The following PDE1C variants were observed in gnomAD, a reference collection of about 807,000 sequenced individuals.
PDE1C encodes phosphodiesterase 1C, also known as dual specificity calcium/calmodulin-dependent 3',5'-cyclic nucleotide phosphodiesterase 1C.
A neutral mutation model predicts 93.1 loss-of-function variants in PDE1C; 62 were observed. That is an observed-to-expected ratio of 0.67 (90% CI 0.54 to 0.82). The LOEUF (loss-of-function observed/expected upper bound fraction) is 0.82. Ranked by LOEUF, PDE1C falls within the 40% of genes least tolerant of loss-of-function variation. The probability of loss-of-function intolerance (pLI) is 0.00; values close to 1 mark genes in which losing one functional copy is unlikely to be tolerated. For missense variants in PDE1C, 742 were observed against 884.6 expected, an observed-to-expected ratio of 0.84 and a Z score of 2.04; for synonymous variants, 325 against 310.1, an observed-to-expected ratio of 1.05 and a Z score of -0.50.
the PDE1C span, among the ~76,000 whole-genome samples, chr7:31,715,840 A>T: frequency 6.6e-6 from 1 of 152,186 alleles, no homozygotes; most frequent in Admixed American, 6.5e-5. Context: ...CAGTACCTAA[A>T]TCATCCCTAC....
At chr7:31,893,364 C>T (rs73690325) in intron 2 of PDE1C, 9,705 of 356,532 alleles carry the variant, frequency 0.027, 508 homozygotes, top group African/African-American at 0.15. Context: ...AATTCATTGT[C>T]GTTTGTGGTC....
the PDE1C span, among the ~76,000 whole-genome samples, chr7:31,689,244 A>C: frequency 6.6e-6 from 1 of 152,234 alleles, no homozygotes; most frequent in Admixed American, 6.5e-5. Flanking sequence ...AGAGGATGTT[A>C]AAAAGGTCAC....
At chr7:31,879,252 C>T in intron 3 of PDE1C, 74 bp from the exon 4 acceptor site, 2 of 1,404,700 alleles carry the variant, frequency 1.4e-6, no homozygotes, top group Non-Finnish European at 1.9e-6. Context: ...AGCAGCTGCT[C>T]CTCTCTGCCT....
chr7:31,770,914 C>T lies in PDE1C; in HGVS notation c.1960+4750G>A, dbSNP rs78497441. 3.6e-3 allele frequency among the ~76,000 whole-genome samples: 544 copies of T among 152,258 alleles called. 4 individuals carry two copies. The highest frequency in any genetic ancestry group is 0.013 in the African/African-American group (521 of 41,548). On this transcript the variant is annotated intron_variant, in intron 17 of 17. Transcript: ENST00000396191. ...ATCCTCCAACATTAATTAACTTTTC[C>T]ACTGTGTTCTACCTTGAACTTATAC...
intron 3 of PDE1C, among the ~76,000 whole-genome samples, chr7:32,096,904 C>A (rs1797785022): frequency 6.6e-6 from 1 of 152,068 alleles, no homozygotes; most frequent in Admixed American, 6.5e-5. Context: ...TTTATTATAA[C>A]AAATTGGTTC....
intron 1 of PDE1C, among the ~76,000 whole-genome samples, chr7:32,245,340 T>C (rs1199520989): frequency 1.3e-5 from 2 of 152,214 alleles, no homozygotes; most frequent in Non-Finnish European, 2.9e-5. Flanking sequence ...AATCCTGAGA[T>C]ATCTTGCATC....
intron 1 of PDE1C, among the ~76,000 whole-genome samples, chr7:32,282,782 G>A (rs1410250735): frequency 6.6e-6 from 1 of 151,844 alleles, no homozygotes; most frequent in Middle Eastern, 3.2e-3. Flanking sequence ...GGGTTTCACC[G>A]TATTAGCCAG....
At chr7:32,088,696 C>T (rs1416952132) in intron 3 of PDE1C, among the ~76,000 whole-genome samples, 1 of 152,192 alleles carries the variant, frequency 6.6e-6, no homozygotes, top group Non-Finnish European at 1.5e-5. Context: ...GTTCTGACCT[C>T]ACTCCAGTGA....
chr7:31,839,621 T>C (rs1331922071), intron 9 of PDE1C, among the ~76,000 whole-genome samples: 6 of 152,220 alleles, frequency 3.9e-5, no homozygotes, highest in African/African-American at 4.8e-5. Flanking sequence ...TTTGGAACTA[T>C]TGTGAATAAA....
chr7:32,143,944 A>T (rs1800676292), intron 3 of PDE1C, among the ~76,000 whole-genome samples: 1 of 152,178 alleles, frequency 6.6e-6, no homozygotes, highest in South Asian at 2.1e-4. Context: ...CATTCTGCCC[A>T]GGTAGGGTGG....
chr7:31,627,230 T>C, the PDE1C span, among the ~76,000 whole-genome samples: 1 of 152,200 alleles, frequency 6.6e-6, no homozygotes, highest in Non-Finnish European at 1.5e-5. Flanking sequence ...TAAATGATTG[T>C]TACATGAATA....
At chr7:32,225,123 AG>A (rs1295005058) in intron 1 of PDE1C, among the ~76,000 whole-genome samples, 1 of 152,190 alleles carries the variant, frequency 6.6e-6, no homozygotes, top group African/African-American at 2.4e-5. Flanking sequence ...TTTTCAAAGA[AG>A]GCAGTTTCTC....
At chr7:31,836,857 G>C (rs934779820) in intron 11 of PDE1C, among the ~76,000 whole-genome samples, 12 of 151,978 alleles carry the variant, frequency 7.9e-5, no homozygotes, top group African/African-American at 2.9e-4. Context: ...TGATGCCAAA[G>C]TAACTGTCAT....
chr7:31,685,230 G>A, the PDE1C span, among the ~76,000 whole-genome samples: 1 of 152,146 alleles, frequency 6.6e-6, no homozygotes, highest in African/African-American at 2.4e-5. Context: ...CATGGTTGCC[G>A]AGTTTAAAAA....
rs1012145936 is a variant in PDE1C at position 31,751,780 on chromosome 7, A to T, written c.*1604T>A. The T allele has an allele frequency of 2.0e-5, 3 of 152,224 alleles. No homozygotes were observed. The highest frequency in any genetic ancestry group is 4.4e-5 in the Non-Finnish European group (3 of 68,042). The allele number at this position is 152,224 out of a possible 1,614,324, so 9.4% of individuals were successfully genotyped here. ...TAAATAAACTGCCCAATAGCATGGT[A>T]GGCACTAAATTCCGGAACTTGCTCA... is the stretch of plus-strand genomic sequence containing the variant. On this transcript the variant is annotated 3_prime_UTR_variant, in exon 18 of 18. Coordinates refer to ENST00000396191, the MANE Select transcript of PDE1C (RefSeq NM_001191057.4).
intron 1 of PDE1C, among the ~76,000 whole-genome samples, chr7:32,244,776 A>G (rs1408413648): frequency 6.6e-6 from 1 of 152,066 alleles, no homozygotes; most frequent in East Asian, 1.9e-4. Flanking sequence ...GACTTTTCTC[A>G]TACAACTATG....
In PDE1C at chr7:31,753,231, A is replaced by T. The variant is rs573870935; in HGVS notation, c.*153T>A. On this transcript the variant is annotated 3_prime_UTR_variant, in exon 18 of 18. Transcript: ENST00000396191. Reference sequence around the variant, plus strand: ...CAAGAACAACAAAGAGGAAAATCACATACAACTTTCATTTCACCTTGGTGG... The same window carrying T: ...CAAGAACAACAAAGAGGAAAATCACTTACAACTTTCATTTCACCTTGGTGG... 3.2e-6 allele frequency: 3 copies of T among 938,850 alleles called. No individual in the cohort carries two copies. The African/African-American group carries it at 4.9e-5, about 15-fold the overall frequency. 58.2% of individuals were successfully genotyped at this position (938,850 alleles called of 1,614,324 possible).
At chr7:31,985,515 T>C (rs554626084) in intron 2 of PDE1C, among the ~76,000 whole-genome samples, 1 of 152,344 alleles carries the variant, frequency 6.6e-6, no homozygotes, top group South Asian at 2.1e-4. Context: ...GTTGGTTTCC[T>C]GCACCCATCA....
intron 2 of PDE1C, among the ~76,000 whole-genome samples, chr7:31,915,911 G>T (rs73308629): frequency 0.03 from 4,605 of 152,246 alleles, 218 homozygotes; most frequent in African/African-American, 0.11. Context: ...GAACAGTTGT[G>T]CAGAAGTATA....
Sources: allele counts gnomAD v4.1 joint callset (sites outside exome capture counted in the v4.1 genomes callset), GRCh38; gene constraint gnomAD v4.1.1; transcripts MANE v1.5; gene names NCBI Gene and HGNC (gene_info 2026-07-23, HGNC 2026-07-21).